EVC: variants seen among roughly 807,000 people sequenced by gnomAD.
The protein encoded by EVC is EvC ciliary complex subunit 1.
EVC carries 116 observed loss-of-function variants against 118.9 expected under a neutral mutation model. That is an observed-to-expected ratio of 0.98 (90% CI 0.84 to 1.14). The LOEUF is 1.14. Among genes scored for constraint, EVC ranks in the 50% most tolerant of loss-of-function variants. The pLI is 0.00. For missense variants in EVC, 1,401 were observed against 1,246.4 expected, an observed-to-expected ratio of 1.12 and a Z score of -1.87; for synonymous variants, 619 against 534.7, an observed-to-expected ratio of 1.16 and a Z score of -2.18.
chr4:5,735,827 G>C (rs1378236867), intron 5 of EVC, among the ~76,000 whole-genome samples: 1 of 152,162 alleles, frequency 6.6e-6, no homozygotes, highest in Admixed American at 6.5e-5. Flanking sequence ...TTGCATGTGT[G>C]ATTGGCACCG....
rs747756961 is a variant in EVC, at chr4:5,798,641, G to A, written c.2153G>A (p.Arg718Gln). ...SRLEEEAQQT[R>Q]LQLQQRLLAE... is the part of the protein sequence containing the mutation. ...CTAGAGGAGGAAGCACAGCAGACACGGCTGCAGCTCCAGCAGCGGCTCCTG... is the reference window on the plus strand; with the variant it reads ...CTAGAGGAGGAAGCACAGCAGACACAGCTGCAGCTCCAGCAGCGGCTCCTG... Residue 718 changes from arginine (R) to glutamine (Q), a missense_variant, in exon 15 of 21, where the codon CGG (arginine) becomes CAG (glutamine). Arg to Gln is a conservative substitution (Grantham distance 43). Coordinates refer to ENST00000264956, the MANE Select transcript of EVC (RefSeq NM_153717.3). This position sits in a 1 kb window ranked among gnomAD's most constrained non-coding sequence, Gnocchi z 4.1. 49 of 1,592,710 alleles carry A rather than the reference G, an allele frequency of 3.1e-5. No individual in the cohort carries two copies. Among genetic ancestry groups the A allele is most frequent in the Middle Eastern group, 1.9e-4 (1 of 5,164 alleles).
chr4:5,741,830 A>T lies in EVC; in HGVS notation c.801+16A>T, dbSNP rs774227453. 2.2e-6 allele frequency: 3 copies of T among 1,343,140 alleles called. No individual in the cohort carries two copies. The highest frequency in any genetic ancestry group is 3.2e-6 in the Non-Finnish European group (3 of 938,072). 83.2% of individuals were successfully genotyped at this position (1,343,140 alleles called of 1,614,324 possible). ...ACAAGAAAAAGTAAGTCTTCAACCTATGTTTCAAGGTAACTTAAAAATAGT... is the reference window on the plus strand; with the variant it reads ...ACAAGAAAAAGTAAGTCTTCAACCTTTGTTTCAAGGTAACTTAAAAATAGT... On this transcript the variant is annotated intron_variant, in intron 6 of 20. Transcript: ENST00000264956.
At position 5,808,347 on chromosome 4, in the gene EVC, A is replaced by C; in HGVS notation, c.2688+20A>C. The C allele has an allele frequency of 1.2e-6, 2 of 1,614,104 alleles. No individual in the cohort carries two copies. The highest frequency in any genetic ancestry group is 1.7e-6 in the Non-Finnish European group (2 of 1,180,010). ...CTACAGGTACAAGTTACAGAACTGG[A>C]CCTTCCAAAAGCAGTGGTTTAAAGA... On this transcript the variant is annotated intron_variant, in intron 18 of 20. Coordinates refer to ENST00000264956, the MANE Select transcript of EVC (RefSeq NM_153717.3).
intron 2 of EVC, among the ~76,000 whole-genome samples, chr4:5,724,340 T>C (rs73795023): frequency 0.025 from 3,846 of 152,280 alleles, 148 homozygotes; most frequent in African/African-American, 0.083. Context: ...ATGTGGGGAC[T>C]TGGGATGTGG....
intron 11 of EVC, among the ~76,000 whole-genome samples, chr4:5,781,311 C>T (rs1413104837): frequency 2.6e-5 from 4 of 151,954 alleles, no homozygotes; most frequent in South Asian, 2.1e-4. Flanking sequence ...GACCCTAGCG[C>T]GACAAAGCCG....
Position 5,798,518 on chromosome 4 carries a change from C to A in EVC, c.2098-68C>A. ...CCCTGGATAGGACCAGCCCCACATC[C>A]CAGTCCTGGCCAGAGCTTCTCTGTG... On this transcript the variant is annotated intron_variant, in intron 14 of 20. Transcript: ENST00000264956. The surrounding 1 kb of genome is among the most constrained non-coding windows in gnomAD (Gnocchi z 4.1). The A allele has an allele frequency of 5.4e-6, 8 of 1,491,786 alleles. No individual in the cohort carries two copies. The highest frequency in any genetic ancestry group is 3.7e-6 in the Non-Finnish European group (4 of 1,094,750). 92.4% of individuals were successfully genotyped at this position (1,491,786 alleles called of 1,614,324 possible).
chr4:5,801,732 G>T lies in EVC; in HGVS notation c.2305-218G>T. On this transcript the variant is annotated intron_variant, in intron 15 of 20. Transcript: ENST00000264956. ...CTCTTAGCCGACTTTCCCTAACATC[G>T]CATTTCATTGGCTCTAGACATCCCT... The T allele has an allele frequency of 6.4e-6, 3 of 471,202 alleles. No homozygotes were observed. The South Asian group carries it at 6.9e-5, about 11-fold the overall frequency. 29.2% of individuals were successfully genotyped at this position (471,202 alleles called of 1,614,324 possible).
At chr4:5,733,323 C>T (rs760051144) in intron 4 of EVC, 28 bp from the exon 5 acceptor site, 2 of 1,595,776 alleles carry the variant, frequency 1.3e-6, no homozygotes, top group South Asian at 1.1e-5. Context: ...CCCTGAAAGT[C>T]TTTTCCGCTT....
At chr4:5,805,857 T>TCAC (rs1715788953) in intron 17 of EVC, among the ~76,000 whole-genome samples, 1 of 151,094 alleles carries the variant, frequency 6.6e-6, no homozygotes, top group Non-Finnish European at 1.5e-5. Context: ...TCCCTCCCTG[T>TCAC]CACACCTCCT....
At chr4:5,787,593 C>T (rs1560409202) in intron 12 of EVC, among the ~76,000 whole-genome samples, 1 of 152,216 alleles carries the variant, frequency 6.6e-6, no homozygotes, top group South Asian at 2.1e-4. Context: ...TGCCAACCCT[C>T]ATTTCAGGCT....
intron 13 of EVC, among the ~76,000 whole-genome samples, chr4:5,794,294 T>C (rs1266283265): frequency 7.2e-6 from 1 of 139,746 alleles, no homozygotes; most frequent in Non-Finnish European, 1.5e-5. Flanking sequence ...TATATTTTTA[T>C]ATATTTATAT....
At chr4:5,728,547 T>C (rs1212515699) in intron 2 of EVC, among the ~76,000 whole-genome samples, 2 of 152,216 alleles carry the variant, frequency 1.3e-5, no homozygotes, top group Non-Finnish European at 2.9e-5. Flanking sequence ...CCTCTTTTCC[T>C]AATTGAATAC....
At chr4:5,744,450 G>A (rs538204287) in intron 6 of EVC, among the ~76,000 whole-genome samples, 37 of 152,078 alleles carry the variant, frequency 2.4e-4, no homozygotes, top group Middle Eastern at 6.8e-3. Context: ...ACTATCTTGG[G>A]GTTTGTGAGT....
chr4:5,795,584 G>A (rs915361897), intron 13 of EVC, among the ~76,000 whole-genome samples: 1 of 152,298 alleles, frequency 6.6e-6, no homozygotes, highest in East Asian at 1.9e-4. Flanking sequence ...CCCCAGAGGC[G>A]GAGGTTGCAG....
chr4:5,726,993 C>A (rs1309683332), intron 2 of EVC, among the ~76,000 whole-genome samples: 1 of 152,012 alleles, frequency 6.6e-6, no homozygotes, highest in East Asian at 1.9e-4. Context: ...TGGGTTGGTT[C>A]CAAGTCTTTG....
chr4:5,760,061 A>C (rs1393660956), intron 11 of EVC, among the ~76,000 whole-genome samples: 1 of 152,106 alleles, frequency 6.6e-6, no homozygotes, highest in African/African-American at 2.4e-5. Context: ...GTTTCTGATT[A>C]TCCTTTCCAA....
intron 11 of EVC, among the ~76,000 whole-genome samples, chr4:5,766,952 A>G (rs1732977503): frequency 1.3e-5 from 2 of 151,554 alleles, no homozygotes; most frequent in Admixed American, 6.6e-5. Context: ...GAGGAACTGC[A>G]TTCCTTTGGA....
intron 3 of EVC, among the ~76,000 whole-genome samples, chr4:5,729,947 C>A (rs932039354): frequency 6.6e-6 from 1 of 152,208 alleles, no homozygotes; most frequent in Non-Finnish European, 1.5e-5. Flanking sequence ...ATGGTTACAC[C>A]TTCCATGGCG....
the EVC span, among the ~76,000 whole-genome samples, chr4:5,819,826 G>GTAGT: frequency 6.6e-6 from 1 of 152,044 alleles, no homozygotes; most frequent in Admixed American, 6.6e-5. Flanking sequence ...GTCTTTCTCA[G>GTAGT]TAGTTAGTTA....
Sources: gnomAD v4.1 joint callset for allele counts (sites outside exome capture counted in the v4.1 genomes callset) on GRCh38, gnomAD v4.1.1 for gene constraint, Gnocchi (gnomAD v3.1) non-coding constraint, MANE v1.5 for transcripts, NCBI Gene and HGNC (gene_info 2026-07-23, HGNC 2026-07-21) for gene names.